The following TRAK1 variants were observed in gnomAD, a reference collection of about 807,000 sequenced individuals.
TRAK1 encodes the protein trafficking kinesin protein 1, also known as trafficking kinesin-binding protein 1.
TRAK1 carries 33 observed loss-of-function variants against 92.1 expected under a neutral mutation model. The ratio of observed to expected loss-of-function variants is 0.36; its 90% CI spans 0.27 to 0.48. The LOEUF is 0.48. Ranked by LOEUF, TRAK1 falls within the 20% of genes least tolerant of loss-of-function variation. TRAK1 has a pLI of 0.99. For missense variants in TRAK1, 1,123 were observed against 1,257.9 expected (o/e 0.89, Z 1.62); for synonymous variants, 521 against 517.3 (o/e 1.01, Z -0.10).
chr3:42,171,481 G>A (rs1471492968), intron 2 of TRAK1, among the ~76,000 whole-genome samples: 1 of 152,130 alleles, frequency 6.6e-6, no homozygotes, highest in Admixed American at 6.5e-5. Context: ...AGGGTCCCTT[G>A]GGGAGGGCAG....
In TRAK1 at chr3:42,223,813, C is replaced by A. The variant is rs1037829852; in HGVS notation, c.*76C>A. The A allele has an allele frequency of 1.1e-5, 16 of 1,480,398 alleles. No homozygotes were observed. Among genetic ancestry groups the A allele is most frequent in the African/African-American group, 8.4e-5 (6 of 71,852 alleles). The allele number at this position is 1,480,398 out of a possible 1,614,324, so 91.7% of individuals were successfully genotyped here. Reference sequence around the variant, plus strand: ...TGCTCCCACCTCCCTCTCTTCCCCCCACAGTGCACTCCCTCCCTCTGCCCT... The same window carrying A: ...TGCTCCCACCTCCCTCTCTTCCCCCAACAGTGCACTCCCTCCCTCTGCCCT... On this transcript the variant is annotated 3_prime_UTR_variant, in exon 16 of 16. Coordinates refer to ENST00000327628, the MANE Select transcript of TRAK1 (RefSeq NM_001042646.3). The surrounding 1 kb of genome is among the most constrained non-coding windows in gnomAD (Gnocchi z 6.1).
chr3:42,203,190 A>G (rs912686458), intron 13 of TRAK1: 2 of 1,105,692 alleles, frequency 1.8e-6, no homozygotes, highest in African/African-American at 4.1e-5. Flanking sequence ...AGCAAACTCT[A>G]TTAAATGGGG....
At chr3:42,191,698 T>A in intron 7 of TRAK1, 62 bp downstream of exon 7, 10 of 1,531,352 alleles carry the variant, frequency 6.5e-6, no homozygotes, top group Non-Finnish European at 8.0e-6. Flanking sequence ...TAGACAGATT[T>A]GCGTCAGCCT....
intron 2 of TRAK1, among the ~76,000 whole-genome samples, chr3:42,146,998 T>C (rs1002466945): frequency 6.6e-6 from 1 of 152,222 alleles, no homozygotes; most frequent in Non-Finnish European, 1.5e-5. Flanking sequence ...ATCATCTTTT[T>C]AGAAATACCT....
chr3:42,047,200 CTT>C (rs561224807), intron 1 of TRAK1, among the ~76,000 whole-genome samples: 388 of 107,130 alleles, frequency 3.6e-3, no homozygotes, highest in South Asian at 7.9e-3. Flanking sequence ...AAAAACTGAT[CTT>C]TTTTTTTTTT....
intron 1 of TRAK1, among the ~76,000 whole-genome samples, chr3:42,108,009 C>A (rs184399890): frequency 1.3e-5 from 2 of 151,960 alleles, no homozygotes; most frequent in South Asian, 2.1e-4. Context: ...GGGAAGGCAG[C>A]CTTTGAGAAA....
intron 1 of TRAK1, among the ~76,000 whole-genome samples, chr3:42,054,173 A>G (rs1323421104): frequency 1.3e-5 from 2 of 152,232 alleles, no homozygotes; most frequent in East Asian, 3.9e-4. Flanking sequence ...TTACCTGAAT[A>G]ACGAAATATT....
intron 1 of TRAK1, among the ~76,000 whole-genome samples, chr3:42,049,940 G>C (rs1160463706): frequency 6.6e-6 from 1 of 152,166 alleles, no homozygotes; most frequent in Non-Finnish European, 1.5e-5. Flanking sequence ...CTTTCCTCAG[G>C]TGTCTAGTGG....
intron 1 of TRAK1, among the ~76,000 whole-genome samples, chr3:42,114,792 A>C (rs1369644821): frequency 6.6e-6 from 1 of 151,944 alleles, no homozygotes; most frequent in African/African-American, 2.4e-5. Flanking sequence ...AGCTCACTGC[A>C]ACCTCTGCCT....
At chr3:42,215,109 A>G (rs982929531) in intron 14 of TRAK1, among the ~76,000 whole-genome samples, 4 of 152,202 alleles carry the variant, frequency 2.6e-5, no homozygotes, top group African/African-American at 7.2e-5. Flanking sequence ...TTCCCACGTG[A>G]ACTCATCATA....
intron 1 of TRAK1, among the ~76,000 whole-genome samples, chr3:42,073,025 A>G (rs1222983454): frequency 6.6e-6 from 1 of 152,164 alleles, no homozygotes; most frequent in East Asian, 1.9e-4. Flanking sequence ...GCCTGAGTGT[A>G]TATGAAATGA....
rs1399937772 is a variant in TRAK1 at position 42,091,478 on chromosome 3, G to A, written c.9G>A (p.Leu3=). ...GGAGTTTATGTCTGCACATGGCATT[G>A]GTTTTTCAATTCGGGCAGCCCGTCA... MA[L]VFQFGQPVRA... is the part of the protein sequence containing the mutation. Residue 3 remains leucine (L), a synonymous_variant, in exon 1 of 16, where the codon TTG becomes TTA. Coordinates refer to ENST00000327628, the MANE Select transcript of TRAK1 (RefSeq NM_001042646.3). 1 of 1,613,562 alleles carries A rather than the reference G, an allele frequency of 6.2e-7. No individual in the cohort carries two copies. Among genetic ancestry groups the A allele is most frequent in the Admixed American group, 1.7e-5 (1 of 59,932 alleles).
intron 12 of TRAK1, 117 bp downstream of exon 12, chr3:42,201,171 A>G: frequency 4.3e-6 from 5 of 1,160,296 alleles, no homozygotes; most frequent in Non-Finnish European, 6.2e-6. Flanking sequence ...TGAAAAATAC[A>G]GACCTGGCCG....
Position 42,176,854 on chromosome 3 carries a change from T to C in TRAK1, c.327T>C (p.Tyr109=), listed in dbSNP as rs777634059. Reference sequence around the variant, plus strand: ...GAGTTGGCCAGATGACTAAGACATATAATGACATAGATGCTGTCACTCGGC... The same window carrying C: ...GAGTTGGCCAGATGACTAAGACATACAATGACATAGATGCTGTCACTCGGC... ...AERVGQMTKT[Y]NDIDAVTRLL... is the part of the protein sequence containing the mutation. Residue 109 remains tyrosine, a synonymous_variant, in exon 3 of 16, where the codon TAT becomes TAC. Coordinates refer to ENST00000327628, the MANE Select transcript of TRAK1 (RefSeq NM_001042646.3). 3.0e-5 allele frequency: 48 copies of C among 1,614,012 alleles called. No homozygotes were observed. Among genetic ancestry groups the C allele is most frequent in the Non-Finnish European group, 3.7e-5 (44 of 1,179,996 alleles).
intron 10 of TRAK1, among the ~76,000 whole-genome samples, chr3:42,195,762 T>C (rs1200003998): frequency 1.3e-5 from 2 of 152,234 alleles, no homozygotes; most frequent in Non-Finnish European, 2.9e-5. Context: ...GAAAGACATA[T>C]AACATAGTCA....
At chr3:42,111,945 A>T (rs1708467417) in intron 1 of TRAK1, among the ~76,000 whole-genome samples, 1 of 148,922 alleles carries the variant, frequency 6.7e-6, no homozygotes, top group Admixed American at 6.7e-5. Context: ...TCTAGAAAAG[A>T]GTTTTCACAC....
At chr3:42,163,668 C>T (rs925758508) in intron 2 of TRAK1, among the ~76,000 whole-genome samples, 5 of 152,072 alleles carry the variant, frequency 3.3e-5, no homozygotes, top group South Asian at 2.1e-4. Context: ...TTTTAACACG[C>T]CCTCTGGGTG....
intron 2 of TRAK1, among the ~76,000 whole-genome samples, chr3:42,172,551 T>C (rs908494317): frequency 1.3e-5 from 2 of 152,176 alleles, no homozygotes; most frequent in Non-Finnish European, 2.9e-5. Flanking sequence ...GCTTCTGAAA[T>C]ATAAACCTTA....
At chr3:42,127,645 G>A (rs1710764172) in intron 2 of TRAK1, among the ~76,000 whole-genome samples, 1 of 152,138 alleles carries the variant, frequency 6.6e-6, no homozygotes, top group South Asian at 2.1e-4. Flanking sequence ...TCAGGTGTGA[G>A]CCACTGCACT....
Sources: gnomAD v4.1 joint callset for allele counts (sites outside exome capture counted in the v4.1 genomes callset) on GRCh38, gnomAD v4.1.1 for gene constraint, Gnocchi (gnomAD v3.1) non-coding constraint, MANE v1.5 for transcripts, NCBI Gene and HGNC (gene_info 2026-07-23, HGNC 2026-07-21) for gene names.